The following GRIPAP1 variants were observed in gnomAD, a reference collection of about 807,000 sequenced individuals.
GRIPAP1 encodes the protein GRIP1-associated protein 1.
A neutral mutation model predicts 84.1 loss-of-function variants in GRIPAP1; 14 were observed. The ratio of observed to expected loss-of-function variants is 0.17; its 90% CI spans 0.11 to 0.26. The LOEUF is 0.26. Ranked by LOEUF, GRIPAP1 falls within the 10% of genes least tolerant of loss-of-function variation. The pLI is 1.00. For missense variants in GRIPAP1, 518 were observed against 674.2 expected (o/e 0.77, Z 2.57); for synonymous variants, 261 against 256.8 (o/e 1.02, Z -0.15).
chrX:48,989,941 C>T, intron 9 of GRIPAP1, 31 bp downstream of exon 9: 1 of 1,199,231 alleles, frequency 8.3e-7, no homozygotes, highest in Non-Finnish European at 1.1e-6. Context: ...CCCCCCTCGG[C>T]CCCCAGTACC....
intron 14 of GRIPAP1, among the ~76,000 whole-genome samples, 180 bp downstream of exon 14, chrX:48,985,088 A>T (rs1314360758): frequency 8.9e-6 from 1 of 111,758 alleles, no homozygotes; most frequent in Non-Finnish European, 1.9e-5. Flanking sequence ...CTAACTGAAG[A>T]GGCTCAGTTT....
Position 48,983,229 on chromosome X carries a change from T to G in GRIPAP1, c.1484A>C (p.Lys495Thr). 8.3e-7 allele frequency: 1 copy of G among 1,207,994 alleles called. No homozygotes were observed. The highest frequency in any genetic ancestry group is 1.8e-5 in the South Asian group (1 of 56,907). Residue 495 changes from lysine (K) to threonine (T), a missense_variant and splice_region_variant, in exon 16 of 26, where the codon AAG becomes ACG. Lys to Thr is a moderately conservative substitution (Grantham distance 78). Transcript: ENST00000376423. ...GGGCATCATCATCTACCCACCCACCTTCTCCTCCCGGATCTGCCCACGGAG... is the reference window on the plus strand; with the variant it reads ...GGGCATCATCATCTACCCACCCACCGTCTCCTCCCGGATCTGCCCACGGAG... ...EELRGQIREEKARTRELETLQ... is the reference protein window; with the variant it reads ...EELRGQIREETARTRELETLQ...
intron 7 of GRIPAP1, 43 bp downstream of exon 7, chrX:48,990,882 TG>T (rs2064515963): frequency 1.4e-5 from 15 of 1,070,628 alleles, no homozygotes; most frequent in Non-Finnish European, 1.9e-5. Context: ...GTAGAACATC[TG>T]CCCTGCCTTC....
At chrX:48,987,631 G>A (rs1392743514) in intron 13 of GRIPAP1, among the ~76,000 whole-genome samples, 154 bp downstream of exon 13, 1 of 105,878 alleles carries the variant, frequency 9.4e-6, no homozygotes, top group Non-Finnish European at 1.9e-5. Context: ...GATGGCCAGA[G>A]AGAAGAGGGC....
chrX:48,988,247 G>T, intron 11 of GRIPAP1, 49 bp from the exon 12 acceptor site: 1 of 902,763 alleles, frequency 1.1e-6, no homozygotes, highest in Non-Finnish European at 1.6e-6. Context: ...CTCCTGGGGT[G>T]CATATAACCG....
Position 49,002,224 on chromosome X carries a change from C to G in GRIPAP1, c.6G>C (p.Ala2=), listed in dbSNP as rs139150047. The change falls in exon 1 of 26, where the codon GCG becomes GCC. Residue 2 remains alanine (A), a synonymous_variant. Transcript: ENST00000376423. The stretch of plus-strand genomic sequence containing the variant: ...GAAACTCCTCCTCAGACAGAGCTTG[C>G]GCCATGTTCCTCCCCCCACCCCCCC... M[A]QALSEEEFQR... The G allele has an allele frequency of 1.0e-5, 12 of 1,151,155 alleles. No homozygotes were observed. The highest frequency in any genetic ancestry group is 1.3e-5 in the Non-Finnish European group (11 of 848,250). 94.9% of individuals were successfully genotyped at this position (1,151,155 alleles called of 1,213,427 possible).
intron 13 of GRIPAP1, among the ~76,000 whole-genome samples, chrX:48,985,797 G>C (rs182813554): frequency 9.1e-6 from 1 of 110,440 alleles, no homozygotes; most frequent in East Asian, 2.8e-4. Flanking sequence ...ACCTTCTGGG[G>C]TACTAAAAGT....
chrX:48,999,388 G>A, intron 2 of GRIPAP1, 50 bp downstream of exon 2: 1 of 1,131,443 alleles, frequency 8.8e-7, no homozygotes, highest in African/African-American at 1.8e-5. Flanking sequence ...GAAAACCTCG[G>A]ACACCATTCC....
At chrX:48,990,605 T>C in intron 8 of GRIPAP1, 80 bp downstream of exon 8, 1 of 834,228 alleles carries the variant, frequency 1.2e-6, no homozygotes, top group South Asian at 2.2e-5. Context: ...ACAATGCCCC[T>C]TCTGCCCTAG....
At chrX:48,978,108 CAG>C in intron 22 of GRIPAP1, 195 bp downstream of exon 22, 20 of 404,534 alleles carry the variant, frequency 4.9e-5, no homozygotes, top group East Asian at 8.4e-5. Context: ...AACAGAAAGT[CAG>C]AGAGAGAGAA....
rs1369755560 is a variant in GRIPAP1, at chrX:49,001,872, G to A, written c.42+316C>T. ...CTTCTCAGGATCTCCTTCCCTCAAAGCCCATTATCATCACCCGCCGACGGT... is the reference window on the plus strand; with the variant it reads ...CTTCTCAGGATCTCCTTCCCTCAAAACCCATTATCATCACCCGCCGACGGT... On this transcript the variant is annotated intron_variant, in intron 1 of 25. Transcript: ENST00000376423. 2.7e-5 allele frequency among the ~76,000 whole-genome samples: 3 copies of A among 110,430 alleles called. No individual in the cohort carries two copies. The Admixed American group carries it at 2.9e-4, about 11-fold the overall frequency.
chrX:49,002,242 A>AC lies in GRIPAP1; in HGVS notation c.-14dup, dbSNP rs782035943. The stretch of plus-strand genomic sequence containing the variant: ...GAGCTTGCGCCATGTTCCTCCCCCC[A>AC]CCCCCCCGCCAGCTTTCTGCGCAGA... On this transcript the variant is annotated 5_prime_UTR_variant, in exon 1 of 26. Transcript: ENST00000376423. The AC allele has an allele frequency of 2.8e-4, 246 of 872,381 alleles. No individual in the cohort carries two copies. Among genetic ancestry groups the AC allele is most frequent in the Middle Eastern group, 1.4e-3 (5 of 3,513 alleles). 71.9% of individuals were successfully genotyped at this position (872,381 alleles called of 1,213,427 possible). A position where few individuals can be genotyped will look rare whatever the true frequency, so the allele number is the denominator to read the frequency against.
At chrX:48,976,936 A>C in intron 22 of GRIPAP1, 1 of 109,665 alleles carries the variant, frequency 9.1e-6, no homozygotes, top group Non-Finnish European at 1.9e-5. Context: ...ACAGAATTTC[A>C]CTCTTGTTGC....
chrX:48,989,768 C>G lies in GRIPAP1; in HGVS notation c.771-58G>C. 2.6e-6 allele frequency: 3 copies of G among 1,136,803 alleles called. 1 individual carries two copies. The highest frequency in any genetic ancestry group is 3.6e-6 in the Non-Finnish European group (3 of 827,583). The allele number at this position is 1,136,803 out of a possible 1,213,427, so 93.7% of individuals were successfully genotyped here. A position where few individuals can be genotyped will look rare whatever the true frequency, so the allele number is the denominator to read the frequency against. ...TGGCTTGAGGCCCAGTCTCCTAGCT[C>G]TGCCCCTGTAATCTTCACTGGGCAC... On this transcript the variant is annotated intron_variant, in intron 10 of 25. Transcript: ENST00000376423.
chrX:48,999,183 G>C, intron 3 of GRIPAP1, 55 bp downstream of exon 3: 1 of 920,426 alleles, frequency 1.1e-6, no homozygotes, highest in Non-Finnish European at 1.6e-6. Flanking sequence ...GAATGAGTCA[G>C]ATAGGTAGAA....
At position 48,997,339 on chromosome X, in the gene GRIPAP1, T is replaced by C. The variant is rs182443333; in HGVS notation, c.217A>G (p.Ser73Gly). The C allele has an allele frequency of 6.0e-6, 7 of 1,158,524 alleles. No individual in the cohort carries two copies. In the Admixed American group the frequency reaches 1.6e-4, roughly 27 times the overall value. The change falls in exon 5 of 26, where the codon AGT becomes GGT. Residue 73 changes from serine (S) to glycine (G), a missense_variant. Physicochemically the swap from Ser to Gly is moderately conservative, Grantham distance 56 (BLOSUM62 0). This residue lies in a region of GRIPAP1 where 372 missense variants were observed against 458.1 expected (regional missense o/e 0.81). Coordinates refer to ENST00000376423, the MANE Select transcript of GRIPAP1 (RefSeq NM_020137.5). ...TTTGCCTGCAGCATCTCATTTTCAC[T>C]CAGCAATACCTCGACTTCCTGCAGT... The part of the protein sequence containing the change: ...KKAQEVEVLL[S>G]ENEMLQAKLH...
chrX:48,997,185 G>T (rs2064551611), intron 5 of GRIPAP1, 65 bp downstream of exon 5: 2 of 625,628 alleles, frequency 3.2e-6, no homozygotes, highest in South Asian at 4.9e-5. Context: ...CTCTGCCGCT[G>T]TTAGGTTTCA....
intron 5 of GRIPAP1, among the ~76,000 whole-genome samples, chrX:48,994,378 C>T (rs2064536102): frequency 1.8e-5 from 2 of 110,188 alleles, no homozygotes; most frequent in African/African-American, 3.3e-5. Context: ...CATGCGCCAC[C>T]GTGCCCGGCT....
intron 4 of GRIPAP1, among the ~76,000 whole-genome samples, chrX:48,997,685 GA>G (rs782807378): frequency 1.2e-4 from 13 of 108,314 alleles, no homozygotes; most frequent in Non-Finnish European, 2.1e-4. Context: ...GGGAGAGAGT[GA>G]AAAAGACGGA....
Sources: gnomAD v4.1 joint callset for allele counts (sites outside exome capture counted in the v4.1 genomes callset) on GRCh38, gnomAD v4.1.1 for gene constraint, gnomAD v4.1.1 regional missense constraint, MANE v1.5 for transcripts, NCBI Gene and HGNC (gene_info 2026-07-23, HGNC 2026-07-21) for gene names.